Variants in HTT observed in about 807,000 individuals in gnomAD.
The protein encoded by HTT is huntingtin.
A neutral mutation model predicts 362.3 loss-of-function variants in HTT; 104 were observed. That is an observed-to-expected ratio of 0.29 (90% confidence interval 0.24 to 0.34). The LOEUF (loss-of-function observed/expected upper bound fraction) is 0.34. HTT is among the 10% of genes least tolerant of loss of function. The probability of loss-of-function intolerance (pLI) is 1.00; values close to 1 mark genes in which losing one functional copy is unlikely to be tolerated. For missense variants in HTT, 3,301 were observed against 3,928.6 expected, an observed-to-expected ratio of 0.84 and a Z score of 4.27; for synonymous variants, 1,577 against 1,548.7, an observed-to-expected ratio of 1.02 and a Z score of -0.43.
At chr4:3,216,609 T>C (rs1276312322) in intron 51 of HTT, among the ~76,000 whole-genome samples, 1 of 152,178 alleles carries the variant, frequency 6.6e-6, no homozygotes, top group African/African-American at 2.4e-5. Context: ...GGCCCTGAAG[T>C]GGGTTCTGTT....
At chr4:3,225,781 T>G in intron 57 of HTT, 38 bp downstream of exon 57, 3 of 1,538,876 alleles carry the variant, frequency 1.9e-6, no homozygotes, top group Non-Finnish European at 1.8e-6. Flanking sequence ...CTCTGTCCGT[T>G]TCTGTCCTCA....
chr4:3,190,472 C>T (rs1160652385), intron 40 of HTT, among the ~76,000 whole-genome samples: 21 of 151,844 alleles, frequency 1.4e-4, no homozygotes, highest in Admixed American at 1.3e-3. Context: ...CATGGTAGCT[C>T]ACACCTGAAA....
intron 6 of HTT, among the ~76,000 whole-genome samples, chr4:3,112,836 A>G (rs577590102): frequency 6.6e-6 from 1 of 152,214 alleles, no homozygotes; most frequent in Non-Finnish European, 1.5e-5. Flanking sequence ...GCTTTCCTTG[A>G]GTGCTTGTAC....
chr4:3,078,033 TG>T (rs1229578689), intron 1 of HTT, among the ~76,000 whole-genome samples: 1 of 152,222 alleles, frequency 6.6e-6, no homozygotes, highest in African/African-American at 2.4e-5. Flanking sequence ...ACGCCATGCA[TG>T]GGCCTCAGTT....
intron 3 of HTT, among the ~76,000 whole-genome samples, chr4:3,102,635 T>A (rs761789330): frequency 2.0e-5 from 3 of 152,206 alleles, no homozygotes; most frequent in Non-Finnish European, 4.4e-5. Context: ...GAAGACCATC[T>A]CAGTCCACTT....
intron 26 of HTT, among the ~76,000 whole-genome samples, chr4:3,152,545 C>T (rs944580532): frequency 1.3e-5 from 2 of 152,178 alleles, no homozygotes; most frequent in African/African-American, 4.8e-5. Context: ...TACCCAAAAC[C>T]TCCATGCCTC....
Position 3,133,357 on chromosome 4 carries a change from G to A in HTT, c.2493+446G>A, listed in dbSNP as rs912861487. 5.3e-5 allele frequency among the ~76,000 whole-genome samples: 8 copies of A among 151,520 alleles called. No individual in the cohort carries two copies. The East Asian group carries it at 1.4e-3, about 26-fold the overall frequency. The stretch of plus-strand genomic sequence containing the variant: ...AAAAAAAAAAAAGTAGCTGGGTATG[G>A]TGGTGCATACCTGTAGTCTCAGCTA... On this transcript the variant is annotated intron_variant, in intron 18 of 66. Transcript: ENST00000355072.
intron 6 of HTT, among the ~76,000 whole-genome samples, 155 bp downstream of exon 6, chr4:3,107,578 G>A (rs955131062): frequency 6.6e-6 from 1 of 152,106 alleles, no homozygotes; most frequent in African/African-American, 2.4e-5. Context: ...TATTTTTGAG[G>A]CACCTAAGGA....
chr4:3,177,203 C>G, intron 33 of HTT, 129 bp from the exon 34 acceptor site: 1 of 691,438 alleles, frequency 1.4e-6, no homozygotes. Context: ...TAGAGTTATG[C>G]TTATAGTCAA....
intron 35 of HTT, among the ~76,000 whole-genome samples, chr4:3,179,249 A>C (rs187426814): frequency 6.6e-6 from 1 of 152,280 alleles, no homozygotes; most frequent in Non-Finnish European, 1.5e-5. Context: ...TAGCTAAGCC[A>C]GTTAGTGTTT....
At chr4:3,137,801 CTTG>C (rs752721270) in intron 21 of HTT, among the ~76,000 whole-genome samples, 1 of 152,136 alleles carries the variant, frequency 6.6e-6, no homozygotes, top group Non-Finnish European at 1.5e-5. Context: ...GAGATTGGTT[CTTG>C]TTGTAGCATG....
At chr4:3,134,306 T>C (rs1225709695) in intron 18 of HTT, 95 bp from the exon 19 acceptor site, 9 of 1,047,176 alleles carry the variant, frequency 8.6e-6, no homozygotes, top group Middle Eastern at 6.5e-4. Context: ...ACCCAGAACA[T>C]TGTGTGTTGA....
Position 3,132,591 on chromosome 4 carries a change from T to C in HTT, c.2266T>C (p.Tyr756His), listed in dbSNP as rs759427975. ...EEQYVSDILNYIDHGDPQVRG... is the reference protein window; with the variant it reads ...EEQYVSDILNHIDHGDPQVRG... ...ACAGTATGTCTCAGACATCTTGAAC[T>C]ACATCGATCATGGAGACCCACAGGT... Residue 756 changes from tyrosine to histidine, a missense_variant, in exon 17 of 67, where the codon TAC becomes CAC. By Grantham distance (83) the Tyr-to-His change is moderately conservative (BLOSUM62 2). Coordinates refer to ENST00000355072, the MANE Select transcript of HTT (RefSeq NM_001388492.1). 6.2e-6 allele frequency: 10 copies of C among 1,613,948 alleles called. No homozygotes were observed. The highest frequency in any genetic ancestry group is 7.6e-6 in the Non-Finnish European group (9 of 1,179,960).
intron 11 of HTT, 115 bp from the exon 12 acceptor site, chr4:3,127,149 C>A (rs1390306795): frequency 2.7e-6 from 2 of 732,576 alleles, no homozygotes. Context: ...CTTCAGGATG[C>A]TGTGCAGCTG....
intron 1 of HTT, among the ~76,000 whole-genome samples, chr4:3,077,853 T>A (rs1449330625): frequency 6.6e-6 from 1 of 150,468 alleles, no homozygotes; most frequent in East Asian, 1.9e-4. Context: ...AAAGGAGGTA[T>A]TCACTAATTT....
intron 21 of HTT, among the ~76,000 whole-genome samples, chr4:3,138,390 C>T (rs1022217467): frequency 5.3e-5 from 8 of 152,054 alleles, no homozygotes; most frequent in African/African-American, 1.9e-4. Context: ...CCCTCACCTT[C>T]CAGCCTTCCG....
intron 11 of HTT, among the ~76,000 whole-genome samples, chr4:3,125,986 T>C (rs1715503412): frequency 6.6e-6 from 1 of 152,068 alleles, no homozygotes; most frequent in South Asian, 2.1e-4. Flanking sequence ...GGATGAAAAA[T>C]TGCCTATGGA....
At chr4:3,087,078 T>A in intron 2 of HTT, 56 bp downstream of exon 2, 1 of 921,874 alleles carries the variant, frequency 1.1e-6, no homozygotes, top group Non-Finnish European at 1.7e-6. Context: ...TTTTCAGTCT[T>A]AATGGGCTAG....
At position 3,218,044 on chromosome 4, in the gene HTT, C is replaced by G. The variant is rs1720499185; in HGVS notation, c.7242+92C>G. The G allele has an allele frequency of 1.8e-6, 2 of 1,121,736 alleles. No individual in the cohort carries two copies. Among genetic ancestry groups the G allele is most frequent in the African/African-American group, 3.1e-5 (2 of 64,136 alleles). The allele number at this position is 1,121,736 out of a possible 1,614,324, so 69.5% of individuals were successfully genotyped here. ...CACACGTGAGAGGGCGGGACAGAAT[C>G]CCCGCAGCCCAGAGGCTGCCTGCTG... is the stretch of plus-strand genomic sequence containing the variant. On this transcript the variant is annotated intron_variant, in intron 52 of 66. Transcript: ENST00000355072. This position sits in a 1 kb window ranked among gnomAD's most constrained non-coding sequence, Gnocchi z 4.4.
Sources: gnomAD v4.1 joint callset for allele counts (sites outside exome capture counted in the v4.1 genomes callset) on GRCh38, gnomAD v4.1.1 for gene constraint, Gnocchi (gnomAD v3.1) non-coding constraint, MANE v1.5 for transcripts, NCBI Gene and HGNC (gene_info 2026-07-23, HGNC 2026-07-21) for gene names.